The following INPP4B variants were observed in gnomAD, a reference collection of about 807,000 sequenced individuals.
The protein encoded by INPP4B is inositol polyphosphate 4-phosphatase type II.
INPP4B carries 55 observed loss-of-function variants against 122.5 expected under a neutral mutation model. That is an observed-to-expected ratio of 0.45 (90% CI 0.36 to 0.56). The LOEUF (loss-of-function observed/expected upper bound fraction) is 0.56. INPP4B is among the 20% of genes least tolerant of loss of function. The pLI is 0.00. For missense variants in INPP4B, 1,000 were observed against 1,097.7 expected (o/e 0.91, Z 1.26); for synonymous variants, 403 against 388.7 (o/e 1.04, Z -0.43).
intron 7 of INPP4B, among the ~76,000 whole-genome samples, chr4:142,351,789 C>G (rs867548020): frequency 6.6e-6 from 1 of 151,952 alleles, no homozygotes; most frequent in Non-Finnish European, 1.5e-5. Flanking sequence ...TCAATAATTT[C>G]TAATAGTATT....
At chr4:142,738,614 C>CAAACA (rs1767416222) in intron 1 of INPP4B, among the ~76,000 whole-genome samples, 1 of 150,426 alleles carries the variant, frequency 6.6e-6, no homozygotes, top group Non-Finnish European at 1.5e-5. Context: ...ATAATAAAAA[C>CAAACA]AAAAAAAAAG....
At chr4:142,715,181 G>C (rs532887276) in intron 2 of INPP4B, among the ~76,000 whole-genome samples, 3 of 152,262 alleles carry the variant, frequency 2.0e-5, no homozygotes, top group African/African-American at 7.2e-5. Context: ...AGTATTTAAA[G>C]GATTTAGCCT....
intron 3 of INPP4B, among the ~76,000 whole-genome samples, chr4:142,440,498 G>C (rs1053682497): frequency 6.6e-6 from 1 of 152,144 alleles, no homozygotes; most frequent in Non-Finnish European, 1.5e-5. Context: ...AATCCAAGAT[G>C]TTGGTTTTCC....
intron 14 of INPP4B, among the ~76,000 whole-genome samples, chr4:142,194,109 C>T (rs1485323789): frequency 2.6e-5 from 4 of 152,088 alleles, no homozygotes; most frequent in Non-Finnish European, 5.9e-5. Context: ...AGGTAAATAC[C>T]ATAACTTCTT....
intron 7 of INPP4B, among the ~76,000 whole-genome samples, chr4:142,364,843 A>T (rs559912552): frequency 1.3e-5 from 2 of 152,206 alleles, no homozygotes; most frequent in East Asian, 3.9e-4. Flanking sequence ...TGAGCCCGGG[A>T]GGCAGCAGCA....
At chr4:142,478,688 T>C (rs1820112911) in intron 2 of INPP4B, among the ~76,000 whole-genome samples, 1 of 152,136 alleles carries the variant, frequency 6.6e-6, no homozygotes, top group African/African-American at 2.4e-5. Flanking sequence ...ATTCAATTTC[T>C]AGTATTTTGT....
intron 16 of INPP4B, among the ~76,000 whole-genome samples, chr4:142,169,051 T>C (rs72718496): frequency 4.0e-3 from 600 of 151,772 alleles, no homozygotes; most frequent in Non-Finnish European, 5.9e-3. Flanking sequence ...AGGGTCCATG[T>C]TAATCCATCA....
chr4:142,520,487 C>T (rs751811389), intron 2 of INPP4B, among the ~76,000 whole-genome samples: 37 of 151,880 alleles, frequency 2.4e-4, no homozygotes, highest in South Asian at 1.0e-3. Context: ...TGTGGCAATA[C>T]GTAAGAAATA....
At chr4:142,568,341 T>C (rs1290393718) in intron 2 of INPP4B, among the ~76,000 whole-genome samples, 1 of 152,094 alleles carries the variant, frequency 6.6e-6, no homozygotes, top group Non-Finnish European at 1.5e-5. Flanking sequence ...GTCCAAAGTC[T>C]GCCACAGAAC....
chr4:142,674,396 T>C (rs1197297477), intron 2 of INPP4B, among the ~76,000 whole-genome samples: 3 of 152,144 alleles, frequency 2.0e-5, no homozygotes, highest in African/African-American at 7.2e-5. Context: ...TTTCCCCAGC[T>C]ATTTAAGATG....
chr4:142,081,994 C>A (rs2152527881), intron 25 of INPP4B, 37 bp downstream of exon 25: 3 of 1,258,180 alleles, frequency 2.4e-6, no homozygotes, highest in Admixed American at 3.5e-5. Context: ...CTCAAAATGA[C>A]CTTAAAAGAA....
At chr4:142,229,839 T>TG (rs1853379359) in intron 12 of INPP4B, among the ~76,000 whole-genome samples, 1 of 152,158 alleles carries the variant, frequency 6.6e-6, no homozygotes, top group Admixed American at 6.5e-5. Context: ...TGTATATTTT[T>TG]GGGGGGATAG....
intron 7 of INPP4B, among the ~76,000 whole-genome samples, chr4:142,392,145 C>A (rs946663668): frequency 5.3e-5 from 8 of 152,138 alleles, no homozygotes; most frequent in African/African-American, 1.9e-4. Context: ...TTTATAATCT[C>A]ACAACTGAGA....
intron 7 of INPP4B, chr4:142,384,100 C>G: frequency 1.4e-6 from 1 of 702,110 alleles, no homozygotes. Flanking sequence ...TACTCAAATT[C>G]TGGATGAGTT....
intron 1 of INPP4B, among the ~76,000 whole-genome samples, chr4:142,771,476 AGAATAT>A (rs1773056325): frequency 6.6e-6 from 1 of 152,180 alleles, no homozygotes. Flanking sequence ...AGTTCAGGAA[AGAATAT>A]GGTGATACTA....
chr4:142,031,169 A>C (rs1407989077), intron 25 of INPP4B, among the ~76,000 whole-genome samples: 1 of 151,880 alleles, frequency 6.6e-6, no homozygotes, highest in Non-Finnish European at 1.5e-5. Flanking sequence ...TAAAATAATT[A>C]TGCTCTAGTT....
intron 2 of INPP4B, among the ~76,000 whole-genome samples, chr4:142,679,497 A>G (rs1758285035): frequency 6.6e-6 from 1 of 151,876 alleles, no homozygotes; most frequent in African/African-American, 2.4e-5. Context: ...ATGTATAGGT[A>G]GATTGTATTA....
intron 9 of INPP4B, among the ~76,000 whole-genome samples, chr4:142,275,148 A>G (rs935489319): frequency 6.6e-6 from 1 of 151,838 alleles, no homozygotes; most frequent in Non-Finnish European, 1.5e-5. Flanking sequence ...TTAGAAGACT[A>G]AAGGAAAGGG....
chr4:142,260,627 A>T, intron 10 of INPP4B, 63 bp from the exon 11 acceptor site: 1 of 1,126,342 alleles, frequency 8.9e-7, no homozygotes, highest in Non-Finnish European at 1.3e-6. Context: ...GAATGATATT[A>T]TTTTATTTGC....
Sources: gnomAD v4.1 joint callset for allele counts (sites outside exome capture counted in the v4.1 genomes callset) on GRCh38, gnomAD v4.1.1 for gene constraint, MANE v1.5 for transcripts, NCBI Gene and HGNC (gene_info 2026-07-23, HGNC 2026-07-21) for gene names.